The following CCDC6 variants were observed in gnomAD, a reference collection of about 807,000 sequenced individuals.
CCDC6 encodes the protein coiled-coil domain-containing protein 6.
In CCDC6, 20 loss-of-function variants were observed where a neutral mutation model predicts 56.6. The observed-to-expected ratio is 0.35, with a 90% CI of 0.25 to 0.51. The LOEUF is 0.51. Among genes scored for constraint, CCDC6 ranks in the 20% least tolerant of loss-of-function variants. CCDC6 has a pLI of 0.95. For synonymous variants in CCDC6, 241 were observed against 234.4 expected, an observed-to-expected ratio of 1.03 and a Z score of -0.26; for missense variants, 367 against 601.1, an observed-to-expected ratio of 0.61 and a Z score of 4.07.
At chr10:59,852,467 T>A in intron 2 of CCDC6, 86 bp downstream of exon 2, 1 of 1,118,154 alleles carries the variant, frequency 8.9e-7, no homozygotes, top group Non-Finnish European at 1.3e-6. Flanking sequence ...TCAGCAAATG[T>A]TACAAGCAAA....
Position 59,793,102 on chromosome 10 carries a change from G to A in CCDC6, c.1240C>T (p.Pro414Ser), listed in dbSNP as rs1336428205. The A allele has an allele frequency of 2.2e-5, 36 of 1,613,980 alleles. No individual in the cohort carries two copies. The highest frequency in any genetic ancestry group is 2.9e-5 in the Non-Finnish European group (34 of 1,179,994). Residue 414 changes from proline to serine, a missense_variant, in exon 9 of 9, where the codon CCA (proline) becomes TCA (serine). Pro to Ser is a moderately conservative substitution (Grantham distance 74). This residue lies in a region of CCDC6 where 79 missense variants were observed against 83.9 expected (regional missense o/e 0.94). Coordinates refer to ENST00000263102, the MANE Select transcript of CCDC6 (RefSeq NM_005436.5). ...GTSHGITRPS[P>S]RRSNSPDKFK... ...TTGTCAGGACTGTTGCTTCTCCGTG[G>A]TGAAGGCCTCTGCAGAGGGGACAGG...
chr10:59,790,849 T>C lies in CCDC6; in HGVS notation c.*2068A>G. 4.7e-6 allele frequency: 1 copy of C among 211,006 alleles called. No individual in the cohort carries two copies. The highest frequency in any genetic ancestry group is 9.6e-6 in the Non-Finnish European group (1 of 103,798). The allele number at this position is 211,006 out of a possible 1,614,324, so 13.1% of individuals were successfully genotyped here. On this transcript the variant is annotated 3_prime_UTR_variant, in exon 9 of 9. Transcript: ENST00000263102. ...AATTTTTGTGCTTTCAAGAGGTAAC[T>C]AAATCGATAGGAAGCTGAGGGAAGA...
rs1467434031 is a variant in CCDC6, at chr10:59,790,790, T to A, written c.*2127A>T. The stretch of plus-strand genomic sequence containing the variant: ...TCAGGAAATGTTCGCTCACTCCAAG[T>A]GCTTTTTAAAAATTCAACATATGGC... On this transcript the variant is annotated 3_prime_UTR_variant, in exon 9 of 9. Transcript: ENST00000263102. 1 of 214,490 alleles carries A rather than the reference T, an allele frequency of 4.7e-6. No individual in the cohort carries two copies. Among genetic ancestry groups the A allele is most frequent in the African/African-American group, 2.3e-5 (1 of 44,240 alleles). The allele number at this position is 214,490 out of a possible 1,614,324, so 13.3% of individuals were successfully genotyped here. A position where few individuals can be genotyped will look rare whatever the true frequency, so the allele number is the denominator to read the frequency against.
chr10:59,869,300 A>G (rs554608211), intron 1 of CCDC6, among the ~76,000 whole-genome samples: 24 of 148,088 alleles, frequency 1.6e-4, no homozygotes, highest in African/African-American at 5.7e-4. Flanking sequence ...CCTGGACAGC[A>G]TATAGGCACC....
chr10:59,844,029 C>T (rs1324646193), intron 2 of CCDC6, among the ~76,000 whole-genome samples: 1 of 152,142 alleles, frequency 6.6e-6, no homozygotes, highest in Non-Finnish European at 1.5e-5. Context: ...TTCGTTCCCA[C>T]CTTCCTTCAG....
At chr10:59,891,170 T>C (rs918539859) in intron 1 of CCDC6, among the ~76,000 whole-genome samples, 2 of 152,232 alleles carry the variant, frequency 1.3e-5, no homozygotes, top group African/African-American at 2.4e-5. Flanking sequence ...AAATAATTCA[T>C]TGTTTATTTC....
At chr10:59,796,783 T>C (rs577636554) in intron 7 of CCDC6, among the ~76,000 whole-genome samples, 4 of 152,008 alleles carry the variant, frequency 2.6e-5, no homozygotes, top group African/African-American at 9.7e-5. Flanking sequence ...TTGGCTAACA[T>C]GGTGAAACCC....
intron 3 of CCDC6, among the ~76,000 whole-genome samples, chr10:59,820,646 G>T (rs1241211454): frequency 1.3e-5 from 2 of 152,076 alleles, no homozygotes; most frequent in African/African-American, 4.8e-5. Context: ...TACTCAAGAG[G>T]CTAAGGCAGG....
chr10:59,855,815 T>G (rs1365982150), intron 1 of CCDC6, among the ~76,000 whole-genome samples: 1 of 152,184 alleles, frequency 6.6e-6, no homozygotes, highest in Non-Finnish European at 1.5e-5. Flanking sequence ...CACACTGTAT[T>G]CACAGAGGAC....
intron 1 of CCDC6, among the ~76,000 whole-genome samples, chr10:59,890,828 C>T (rs1357643021): frequency 6.6e-6 from 1 of 151,930 alleles, no homozygotes. Context: ...GTGTGCTGCA[C>T]CCGTTAACTC....
intron 1 of CCDC6, among the ~76,000 whole-genome samples, chr10:59,892,230 G>C (rs1217118376): frequency 6.6e-6 from 1 of 152,182 alleles, no homozygotes; most frequent in Admixed American, 6.5e-5. Flanking sequence ...TCTGTCTGCC[G>C]ATAGTACTAA....
intron 1 of CCDC6, among the ~76,000 whole-genome samples, chr10:59,904,119 C>T (rs1291761817): frequency 6.6e-6 from 1 of 152,208 alleles, no homozygotes; most frequent in Non-Finnish European, 1.5e-5. Flanking sequence ...GCAGTGTCAT[C>T]TAAAACAATG....
chr10:59,901,473 G>A (rs2071503660), intron 1 of CCDC6, among the ~76,000 whole-genome samples: 1 of 152,164 alleles, frequency 6.6e-6, no homozygotes, highest in Non-Finnish European at 1.5e-5. Context: ...CACTGTTGAT[G>A]TTTAAAATAG....
intron 1 of CCDC6, among the ~76,000 whole-genome samples, chr10:59,867,458 T>C (rs2071186857): frequency 6.6e-6 from 1 of 152,226 alleles, no homozygotes; most frequent in South Asian, 2.1e-4. Context: ...CCTGCTACTT[T>C]GGAGGCTTCA....
chr10:59,878,623 C>T (rs1025011147), intron 1 of CCDC6, among the ~76,000 whole-genome samples: 1 of 152,194 alleles, frequency 6.6e-6, no homozygotes, highest in African/African-American at 2.4e-5. Flanking sequence ...GGTCAAGTCA[C>T]ATCCCAATCC....
intron 1 of CCDC6, among the ~76,000 whole-genome samples, chr10:59,889,980 C>A (rs1370324630): frequency 6.6e-6 from 1 of 152,170 alleles, no homozygotes; most frequent in Non-Finnish European, 1.5e-5. Flanking sequence ...TCTCTCAACT[C>A]CACATGGTTT....
intron 6 of CCDC6, chr10:59,805,604 C>T (rs1313446449): frequency 6.6e-6 from 1 of 152,112 alleles, no homozygotes; most frequent in Admixed American, 6.5e-5. Context: ...AGTTAATAAG[C>T]TATTTAGTAT....
chr10:59,871,222 A>G (rs2071226525), intron 1 of CCDC6, among the ~76,000 whole-genome samples: 2 of 152,182 alleles, frequency 1.3e-5, no homozygotes, highest in Non-Finnish European at 2.9e-5. Context: ...AAAAATTAAT[A>G]GAACTGTGTC....
chr10:59,872,115 T>A (rs80035834), intron 1 of CCDC6, among the ~76,000 whole-genome samples: 2,813 of 152,352 alleles, frequency 0.018, 37 homozygotes, highest in Non-Finnish European at 0.029. Flanking sequence ...CTCCACTTAC[T>A]AGATTTTAAC....
Sources: gnomAD v4.1 joint callset for allele counts (sites outside exome capture counted in the v4.1 genomes callset) on GRCh38, gnomAD v4.1.1 for gene constraint, gnomAD v4.1.1 regional missense constraint, MANE v1.5 for transcripts, NCBI Gene and HGNC (gene_info 2026-07-23, HGNC 2026-07-21) for gene names.